EPB41L3: variants seen among roughly 807,000 people sequenced by gnomAD.
EPB41L3 encodes the protein band 4.1-like protein 3.
EPB41L3 carries 57 observed loss-of-function variants against 127.1 expected under a neutral mutation model. That is an observed-to-expected ratio of 0.45 (90% CI 0.36 to 0.56). EPB41L3 has a LOEUF of 0.56. Ranked by LOEUF, EPB41L3 falls within the 20% of genes least tolerant of loss-of-function variation. The probability of loss-of-function intolerance (pLI) is 0.00; values close to 1 mark genes in which losing one functional copy is unlikely to be tolerated. For synonymous variants in EPB41L3, 572 were observed against 549.5 expected (o/e 1.04, Z -0.57); for missense variants, 1,273 against 1,372.2 (o/e 0.93, Z 1.14).
chr18:5,483,632 A>C (rs1178961649), intron 2 of EPB41L3, among the ~76,000 whole-genome samples: 2 of 152,062 alleles, frequency 1.3e-5, no homozygotes, highest in Non-Finnish European at 2.9e-5. Context: ...GGAAAAAAAA[A>C]CCATTCTATA....
chr18:5,510,502 T>A (rs2092457820), intron 1 of EPB41L3, among the ~76,000 whole-genome samples: 1 of 152,210 alleles, frequency 6.6e-6, no homozygotes, highest in Admixed American at 6.5e-5. Flanking sequence ...TCATTTAGCA[T>A]CCTGAATGCA....
chr18:5,554,969 C>T (rs150902103), intron 3 of EPB41L3, among the ~76,000 whole-genome samples: 2 of 152,322 alleles, frequency 1.3e-5, no homozygotes, highest in South Asian at 2.1e-4. Flanking sequence ...GAAGAGAAGA[C>T]GTCGCAATCC....
intron 1 of EPB41L3, chr18:5,540,451 C>A: frequency 1.0e-6 from 1 of 985,410 alleles, no homozygotes; most frequent in Middle Eastern, 5.2e-4. Flanking sequence ...CCCTTGTTTC[C>A]TTTGAGCCAT....
intron 1 of EPB41L3, among the ~76,000 whole-genome samples, chr18:5,519,227 G>A (rs547960082): frequency 1.3e-5 from 2 of 152,344 alleles, no homozygotes; most frequent in South Asian, 4.1e-4. Context: ...GGTACTGCAT[G>A]TATCCCTGTT....
Position 5,416,386 on chromosome 18 carries a change from G to A in EPB41L3, c.1507-8C>T. Reference sequence around the variant, plus strand: ...AGTGCCAAGCCCAGGTGACTGATGTGAAAGAGACAGAAAGAGACAGAAAGC... The same window carrying A: ...AGTGCCAAGCCCAGGTGACTGATGTAAAAGAGACAGAAAGAGACAGAAAGC... On this transcript the variant is annotated splice_region_variant and splice_polypyrimidine_tract_variant and intron_variant, in intron 12 of 22. Transcript: ENST00000341928. The A allele has an allele frequency of 6.3e-7, 1 of 1,585,398 alleles. No individual in the cohort carries two copies. The highest frequency in any genetic ancestry group is 8.6e-7 in the Non-Finnish European group (1 of 1,164,482).
At chr18:5,518,284 C>G (rs2092833495) in intron 1 of EPB41L3, among the ~76,000 whole-genome samples, 1 of 152,090 alleles carries the variant, frequency 6.6e-6, no homozygotes, top group African/African-American at 2.4e-5. Context: ...CCTGCCACTC[C>G]CACCCTAGAG....
chr18:5,618,701 G>A (rs1568656738), intron 1 of EPB41L3, among the ~76,000 whole-genome samples: 1 of 151,914 alleles, frequency 6.6e-6, no homozygotes, highest in African/African-American at 2.4e-5. Context: ...AATGAAAAGT[G>A]GTAAAAAAAA....
chr18:5,467,929 T>C (rs989653326), intron 3 of EPB41L3, among the ~76,000 whole-genome samples: 2 of 152,106 alleles, frequency 1.3e-5, no homozygotes, highest in Non-Finnish European at 2.9e-5. Flanking sequence ...AGCTGTGGAT[T>C]TGGGCATCCC....
At chr18:5,493,422 G>C (rs1178213436) in intron 1 of EPB41L3, among the ~76,000 whole-genome samples, 2 of 152,040 alleles carry the variant, frequency 1.3e-5, no homozygotes, top group East Asian at 3.9e-4. Flanking sequence ...TATATTTCAA[G>C]TGTAAATTTA....
chr18:5,528,770 G>GT (rs1370183478), intron 1 of EPB41L3, among the ~76,000 whole-genome samples: 1 of 151,720 alleles, frequency 6.6e-6, no homozygotes, highest in African/African-American at 2.4e-5. Context: ...GCTAATTTTT[G>GT]TATTTTTAGT....
At chr18:5,493,898 T>C (rs1305896417) in intron 1 of EPB41L3, among the ~76,000 whole-genome samples, 1 of 152,164 alleles carries the variant, frequency 6.6e-6, no homozygotes, top group Non-Finnish European at 1.5e-5. Context: ...TTGGTTTCCT[T>C]CTATCTTTTC....
At chr18:5,582,134 C>T (rs2094399296) in intron 3 of EPB41L3, among the ~76,000 whole-genome samples, 1 of 152,120 alleles carries the variant, frequency 6.6e-6, no homozygotes, top group South Asian at 2.1e-4. Flanking sequence ...GTAGAAAGCC[C>T]GAGTAGATTT....
intron 1 of EPB41L3, among the ~76,000 whole-genome samples, chr18:5,513,444 T>C (rs2092626349): frequency 6.6e-6 from 1 of 152,194 alleles, no homozygotes; most frequent in Non-Finnish European, 1.5e-5. Context: ...ATGGAAAGAC[T>C]TTTCTCTCAT....
At chr18:5,420,207 G>A in intron 11 of EPB41L3, 2 of 397,312 alleles carry the variant, frequency 5.0e-6, no homozygotes, top group Non-Finnish European at 4.6e-6. Context: ...GTGGAGGTGA[G>A]TGGAGGGTCA....
At chr18:5,419,607 T>C (rs1237505354) in intron 12 of EPB41L3, 104 bp downstream of exon 12, 8 of 1,469,208 alleles carry the variant, frequency 5.4e-6, no homozygotes, top group Non-Finnish European at 7.4e-6. Flanking sequence ...TGCTGACATA[T>C]GATTTATCCT....
Position 5,424,289 on chromosome 18 carries a change from A to G in EPB41L3, c.1136T>C (p.Val379Ala). The G allele has an allele frequency of 6.2e-7, 1 of 1,607,760 alleles. No individual in the cohort carries two copies. Among genetic ancestry groups the G allele is most frequent in the South Asian group, 1.1e-5 (1 of 89,528 alleles). Residue 379 changes from valine to alanine, a missense_variant, in exon 10 of 23, where the codon GTA becomes GCA. Val to Ala is a moderately conservative substitution (Grantham distance 64). Around this residue, in one of 3 missense-constraint regions of EPB41L3, gnomAD observed 326 missense variants for 440.2 expected, o/e 0.74. Transcript: ENST00000341928. ...GAAAAATGTATGATGCTCAACACAT[A>G]CTTTCCATAAACGCTTGGCAGCTCG... ...NHRAAKRLWK[V>A]CVEHHTFFRL... is the part of the protein sequence containing the mutation.
upstream of EPB41L3, among the ~76,000 whole-genome samples, chr18:5,547,172 T>A (rs1196151376): frequency 6.6e-6 from 1 of 152,224 alleles, no homozygotes; most frequent in Admixed American, 6.5e-5. Flanking sequence ...AAGATACAAT[T>A]ATGATTGAAT....
chr18:5,578,670 A>C (rs1433547787), intron 3 of EPB41L3, among the ~76,000 whole-genome samples: 1 of 152,236 alleles, frequency 6.6e-6, no homozygotes, highest in East Asian at 1.9e-4. Context: ...CACCATTAGT[A>C]GTCAGATAAA....
Position 5,406,800 on chromosome 18 carries a change from T to A in EPB41L3, c.2326A>T (p.Ile776Phe). 6.2e-7 allele frequency: 1 copy of A among 1,614,126 alleles called. No homozygotes were observed. ...LAARQEDAPM[I>F]EPLVPEETKQ... ...ACCTCTTCAGGGACAAGTGGTTCGA[T>A]CATGGGGGCATCCTCCTGCCTGGCG... The change falls in exon 16 of 23, where the codon ATC becomes TTC. Residue 776 changes from isoleucine to phenylalanine, a missense_variant. By Grantham distance (21) the Ile-to-Phe change is conservative. Around this residue, in one of 3 missense-constraint regions of EPB41L3, gnomAD observed 765 missense variants for 782.9 expected, o/e 0.98. Coordinates refer to ENST00000341928, the MANE Select transcript of EPB41L3 (RefSeq NM_012307.5).
Sources: gnomAD v4.1 joint callset for allele counts (sites outside exome capture counted in the v4.1 genomes callset) on GRCh38, gnomAD v4.1.1 for gene constraint, gnomAD v4.1.1 regional missense constraint, MANE v1.5 for transcripts, NCBI Gene and HGNC (gene_info 2026-07-23, HGNC 2026-07-21) for gene names.